Variants in ZHX3 observed in about 807,000 individuals in gnomAD.
ZHX3 encodes zinc fingers and homeoboxes protein 3.
In ZHX3, 20 loss-of-function variants were observed where a neutral mutation model predicts 64.5. The ratio of observed to expected loss-of-function variants is 0.31; its 90% CI spans 0.22 to 0.45. ZHX3 has a LOEUF of 0.45. ZHX3 is among the 20% of genes least tolerant of loss of function. The pLI is 1.00. For synonymous variants in ZHX3, 423 were observed against 461.6 expected, an observed-to-expected ratio of 0.92 and a Z score of 1.07; for missense variants, 1,041 against 1,195.8, an observed-to-expected ratio of 0.87 and a Z score of 1.91.
Position 41,182,053 on chromosome 20 carries a change from A to G in ZHX3, c.*3138T>C, listed in dbSNP as rs2036270279. Reference sequence around the variant, plus strand: ...AATGACACTCCTCCCCTCCCAAAATAAAAAAGCTCCTTTATAGTCAAAAAC... The same window carrying G: ...AATGACACTCCTCCCCTCCCAAAATGAAAAAGCTCCTTTATAGTCAAAAAC... On this transcript the variant is annotated 3_prime_UTR_variant, in exon 4 of 4. Transcript: ENST00000683867. This position sits in a 1 kb window ranked among gnomAD's most constrained non-coding sequence, Gnocchi z 6.1. The G allele has an allele frequency of 6.6e-6, 1 of 152,218 alleles. No homozygotes were observed. Among genetic ancestry groups the G allele is most frequent in the African/African-American group, 2.4e-5 (1 of 41,456 alleles). 9.4% of individuals were successfully genotyped at this position (152,218 alleles called of 1,614,324 possible).
At chr20:41,186,139 A>G (rs2036502268) in intron 3 of ZHX3, among the ~76,000 whole-genome samples, 1 of 152,216 alleles carries the variant, frequency 6.6e-6, no homozygotes, top group Admixed American at 6.5e-5. Flanking sequence ...TTATATATCC[A>G]TTAAACAACA....
intron 1 of ZHX3, among the ~76,000 whole-genome samples, chr20:41,300,901 G>A (rs1341053854): frequency 2.6e-5 from 4 of 152,202 alleles, no homozygotes; most frequent in Non-Finnish European, 1.5e-5. Flanking sequence ...CTAAGGAGGA[G>A]GGCCTTTCAA....
At position 41,201,338 on chromosome 20, in the gene ZHX3, A is replaced by G. The variant is rs1346296923; in HGVS notation, c.2860+719T>C. Reference sequence around the variant, plus strand: ...GTCTCTAATGAGAACACAAATGTCAAAGGGTAAGGAGGGAAGGGAGAGGCT... The same window carrying G: ...GTCTCTAATGAGAACACAAATGTCAGAGGGTAAGGAGGGAAGGGAGAGGCT... On this transcript the variant is annotated intron_variant, in intron 3 of 3. Coordinates refer to ENST00000683867, the MANE Select transcript of ZHX3 (RefSeq NM_001384317.1). This position sits in a 1 kb window ranked among gnomAD's most constrained non-coding sequence, Gnocchi z 5.0. 1.5e-6 allele frequency: 2 copies of G among 1,304,712 alleles called. No homozygotes were observed. Among genetic ancestry groups the G allele is most frequent in the Non-Finnish European group, 2.0e-6 (2 of 989,054 alleles). 80.8% of individuals were successfully genotyped at this position (1,304,712 alleles called of 1,614,324 possible). A position where few individuals can be genotyped will look rare whatever the true frequency, so the allele number is the denominator to read the frequency against.
At chr20:41,207,464 T>G (rs2146262272) in intron 2 of ZHX3, among the ~76,000 whole-genome samples, 1 of 152,192 alleles carries the variant, frequency 6.6e-6, no homozygotes, top group Non-Finnish European at 1.5e-5. Flanking sequence ...CCTCAGCAAA[T>G]GTAAAAGAAC....
At chr20:41,245,723 T>C (rs1000873461) in intron 2 of ZHX3, among the ~76,000 whole-genome samples, 1 of 152,214 alleles carries the variant, frequency 6.6e-6, no homozygotes, top group Non-Finnish European at 1.5e-5. Flanking sequence ...CACAGCTCAG[T>C]TACATTAGAT....
chr20:41,233,886 T>C (rs1450702588), intron 2 of ZHX3, among the ~76,000 whole-genome samples: 1 of 152,214 alleles, frequency 6.6e-6, no homozygotes, highest in Non-Finnish European at 1.5e-5. Context: ...AATGGAGCCA[T>C]GTGGCACACT....
At chr20:41,264,726 C>T (rs6093461) in intron 2 of ZHX3, among the ~76,000 whole-genome samples, 87,590 of 151,830 alleles carry the variant, frequency 0.58, 26,520 homozygotes, top group East Asian at 0.82. Flanking sequence ...CTAAAAGAAA[C>T]GGAAAGAGAG....
At chr20:41,208,113 A>G (rs1401104753) in intron 2 of ZHX3, among the ~76,000 whole-genome samples, 7 of 152,210 alleles carry the variant, frequency 4.6e-5, no homozygotes, top group Admixed American at 1.3e-4. Context: ...AAATTCCTGG[A>G]CACATACACC....
At chr20:41,274,468 G>A (rs942613331) in intron 1 of ZHX3, among the ~76,000 whole-genome samples, 6 of 152,200 alleles carry the variant, frequency 3.9e-5, no homozygotes, top group Non-Finnish European at 7.3e-5. Flanking sequence ...ACAGGGTGTC[G>A]GTTGGAGAGG....
At chr20:41,227,169 T>C (rs2040321988) in intron 2 of ZHX3, among the ~76,000 whole-genome samples, 1 of 152,164 alleles carries the variant, frequency 6.6e-6, no homozygotes, top group South Asian at 2.1e-4. Flanking sequence ...GAGCTCTTCA[T>C]TTTCACATTA....
At chr20:41,302,008 TG>T (rs1568963541) in intron 1 of ZHX3, among the ~76,000 whole-genome samples, 2 of 133,186 alleles carry the variant, frequency 1.5e-5, no homozygotes, top group African/African-American at 5.9e-5. Flanking sequence ...GAGCCGAGAC[TG>T]CGCCACTGCA....
chr20:41,308,005 T>C (rs16985650), intron 1 of ZHX3, among the ~76,000 whole-genome samples: 1,538 of 152,306 alleles, frequency 0.01, 45 homozygotes, highest in Admixed American at 0.07. Context: ...GATGAATACC[T>C]TTAGTGACTT....
rs575098747 is a variant in ZHX3 at position 41,213,183 on chromosome 20, G to A, written c.-150-8117C>T. On this transcript the variant is annotated intron_variant, in intron 2 of 3. Transcript: ENST00000683867. ...CATAGAGGCAGATAGTAGATTAGTG[G>A]TTGCCAGGGACTGAGAGTAGGGGAG... 3.9e-5 allele frequency among the ~76,000 whole-genome samples: 6 copies of A among 152,256 alleles called. No homozygotes were observed. The South Asian group carries it at 1.2e-3, about 32-fold the overall frequency.
At chr20:41,207,062 T>C (rs1347715803) in intron 2 of ZHX3, among the ~76,000 whole-genome samples, 17 of 152,094 alleles carry the variant, frequency 1.1e-4, no homozygotes, top group Non-Finnish European at 2.1e-4. Flanking sequence ...GCTTCATAAG[T>C]GAAGGAGAAA....
chr20:41,218,036 G>A (rs2039660512), intron 2 of ZHX3, among the ~76,000 whole-genome samples: 1 of 152,258 alleles, frequency 6.6e-6, no homozygotes, highest in Non-Finnish European at 1.5e-5. Flanking sequence ...AGCTACTTGG[G>A]AGGCTGAGAT....
Position 41,224,081 on chromosome 20 carries a change from GCAAAA to G in ZHX3, c.-150-19020_-150-19016del, listed in dbSNP as rs1213613012. 6.6e-6 allele frequency among the ~76,000 whole-genome samples: 1 copy of G among 151,932 alleles called. No homozygotes were observed. Among genetic ancestry groups the G allele is most frequent in the Admixed American group, 6.6e-5 (1 of 15,266 alleles). On this transcript the variant is annotated intron_variant, in intron 2 of 3. Transcript: ENST00000683867. The surrounding 1 kb of genome is among the most constrained non-coding windows in gnomAD (Gnocchi z 5.2). ...AAAAAATAAATAAATAAAAGAACAA[GCAAAA>G]CAAAAAAAATACCCAAAATGGAGGA...
At position 41,204,932 on chromosome 20, in the gene ZHX3, G is replaced by A. The variant is rs759880681; in HGVS notation, c.-16C>T. On this transcript the variant is annotated 5_prime_UTR_variant, in exon 3 of 4. Transcript: ENST00000683867. This position sits in a 1 kb window ranked among gnomAD's most constrained non-coding sequence, Gnocchi z 6.6. Reference sequence around the variant, plus strand: ...TGCTGGCCATGGTGACAATCACTGGGTGATCAGCAGTTGAGAGCTTGTCCC... The same window carrying A: ...TGCTGGCCATGGTGACAATCACTGGATGATCAGCAGTTGAGAGCTTGTCCC... 14 of 1,522,244 alleles carry A rather than the reference G, an allele frequency of 9.2e-6. No individual in the cohort carries two copies. Among genetic ancestry groups the A allele is most frequent in the Non-Finnish European group, 1.2e-5 (14 of 1,136,112 alleles). The allele number at this position is 1,522,244 out of a possible 1,614,324, so 94.3% of individuals were successfully genotyped here. A position where few individuals can be genotyped will look rare whatever the true frequency, so the allele number is the denominator to read the frequency against.
chr20:41,264,246 T>C (rs1239723029), intron 2 of ZHX3, among the ~76,000 whole-genome samples: 1 of 150,524 alleles, frequency 6.6e-6, no homozygotes, highest in Non-Finnish European at 1.5e-5. Context: ...CCATCTCCAC[T>C]AAAATACAAA....
intron 1 of ZHX3, among the ~76,000 whole-genome samples, chr20:41,305,529 A>T (rs1017776807): frequency 2.0e-5 from 3 of 151,872 alleles, no homozygotes; most frequent in Non-Finnish European, 4.4e-5. Context: ...TCACGCCTGT[A>T]ATCTCAGCAC....
Sources: gnomAD v4.1 joint callset for allele counts (sites outside exome capture counted in the v4.1 genomes callset) on GRCh38, gnomAD v4.1.1 for gene constraint, Gnocchi (gnomAD v3.1) non-coding constraint, MANE v1.5 for transcripts, NCBI Gene and HGNC (gene_info 2026-07-23, HGNC 2026-07-21) for gene names.